The following LRRTM4 variants were observed in gnomAD, a reference collection of about 807,000 sequenced individuals.
The protein encoded by LRRTM4 is leucine-rich repeat transmembrane neuronal protein 4.
Under a neutral mutation model 47.6 loss-of-function variants are expected in LRRTM4, and 25 were observed. The observed-to-expected ratio is 0.53, with a 90% confidence interval of 0.38 to 0.73. LRRTM4 has a LOEUF of 0.73. Ranked by LOEUF, LRRTM4 falls within the 30% of genes least tolerant of loss-of-function variation. The pLI, the probability that LRRTM4 is intolerant of heterozygous loss-of-function variation, is 0.00. For missense variants in LRRTM4, 638 were observed against 713.4 expected (o/e 0.89, Z 1.20); for synonymous variants, 311 against 269.5 (o/e 1.15, Z -1.51).
chr2:76,863,885 T>C (rs1015037018), intron 3 of LRRTM4, among the ~76,000 whole-genome samples: 8 of 152,140 alleles, frequency 5.3e-5, no homozygotes, highest in Non-Finnish European at 1.0e-4. Context: ...CTGCATGAGA[T>C]TCAAAAAGCT....
At chr2:77,462,461 G>A (rs1432074070) in intron 3 of LRRTM4, among the ~76,000 whole-genome samples, 1 of 152,016 alleles carries the variant, frequency 6.6e-6, no homozygotes, top group South Asian at 2.1e-4. Context: ...TTGGAGACCA[G>A]CATTCTCTTC....
chr2:77,342,588 G>T (rs138639326), intron 3 of LRRTM4, among the ~76,000 whole-genome samples: 1 of 151,814 alleles, frequency 6.6e-6, no homozygotes, highest in East Asian at 1.9e-4. Context: ...TGGGAAAATA[G>T]AAATAAAATT....
chr2:77,234,576 T>C (rs1675053737), intron 3 of LRRTM4, among the ~76,000 whole-genome samples: 2 of 152,222 alleles, frequency 1.3e-5, no homozygotes, highest in South Asian at 4.1e-4. Context: ...TTTATATAAT[T>C]GCTCAGATTT....
intron 3 of LRRTM4, among the ~76,000 whole-genome samples, chr2:77,299,235 CTCTCTCTTTATCTATATAT>C (rs1213654083): frequency 1.4e-5 from 2 of 142,854 alleles, no homozygotes; most frequent in African/African-American, 5.1e-5. Context: ...TACAATCTCT[CTCTCTCTTTATCTATATAT>C]ATATACACAC....
At chr2:77,401,504 A>C (rs1168009319) in intron 3 of LRRTM4, among the ~76,000 whole-genome samples, 1 of 151,892 alleles carries the variant, frequency 6.6e-6, no homozygotes. Flanking sequence ...TATCCTCTCT[A>C]GAATATAAGC....
At chr2:76,959,360 CAT>C (rs1404854677) in intron 3 of LRRTM4, among the ~76,000 whole-genome samples, 5 of 151,220 alleles carry the variant, frequency 3.3e-5, no homozygotes. Flanking sequence ...GTCACATAAA[CAT>C]AGAAAAATAT....
chr2:76,839,279 T>TG (rs1228444538), intron 3 of LRRTM4, among the ~76,000 whole-genome samples: 1 of 152,098 alleles, frequency 6.6e-6, no homozygotes, highest in South Asian at 2.1e-4. Context: ...AGGGAAGCTC[T>TG]GAAAGCACCA....
intron 3 of LRRTM4, among the ~76,000 whole-genome samples, chr2:76,784,326 A>T (rs888497599): frequency 2.0e-5 from 3 of 152,134 alleles, no homozygotes; most frequent in African/African-American, 7.2e-5. Context: ...CATGCTTAAT[A>T]TCATGAGAAA....
At chr2:76,789,159 T>C (rs1457449178) in intron 3 of LRRTM4, among the ~76,000 whole-genome samples, 3 of 152,178 alleles carry the variant, frequency 2.0e-5, no homozygotes. Flanking sequence ...AAGGGAGCAC[T>C]CTCAAGTGGG....
At chr2:77,040,757 A>T (rs1679001841) in intron 3 of LRRTM4, among the ~76,000 whole-genome samples, 1 of 151,478 alleles carries the variant, frequency 6.6e-6, no homozygotes, top group South Asian at 2.1e-4. Flanking sequence ...GAGAAGAGAA[A>T]CTGCTTTAGT....
At chr2:76,842,960 A>G (rs999747191) in intron 3 of LRRTM4, among the ~76,000 whole-genome samples, 1 of 152,270 alleles carries the variant, frequency 6.6e-6, no homozygotes, top group South Asian at 2.1e-4. Flanking sequence ...TGTCCCTTCT[A>G]TGGGTTCAGA....
At chr2:76,967,368 C>T (rs966327046) in intron 3 of LRRTM4, among the ~76,000 whole-genome samples, 6 of 151,506 alleles carry the variant, frequency 4.0e-5, no homozygotes, top group Non-Finnish European at 7.4e-5. Flanking sequence ...ATATACAGTT[C>T]CACTCACCAA....
intron 3 of LRRTM4, among the ~76,000 whole-genome samples, chr2:76,794,957 A>C (rs116771506): frequency 6.6e-6 from 1 of 152,230 alleles, no homozygotes; most frequent in African/African-American, 2.4e-5. Context: ...TGATAGAAGA[A>C]TATCTTAATC....
intron 3 of LRRTM4, among the ~76,000 whole-genome samples, chr2:77,382,998 G>A (rs2103796149): frequency 6.6e-6 from 1 of 152,026 alleles, no homozygotes; most frequent in African/African-American, 2.4e-5. Context: ...TTTTCCATTT[G>A]GAGTGGTAAA....
intron 3 of LRRTM4, among the ~76,000 whole-genome samples, chr2:77,498,472 G>T (rs945887571): frequency 1.3e-5 from 2 of 151,606 alleles, no homozygotes; most frequent in Non-Finnish European, 2.9e-5. Flanking sequence ...GGATCCCATC[G>T]TTAAACTGAG....
At chr2:76,866,449 G>A (rs1184097171) in intron 3 of LRRTM4, among the ~76,000 whole-genome samples, 4 of 151,928 alleles carry the variant, frequency 2.6e-5, no homozygotes, top group African/African-American at 9.7e-5. Context: ...AGGAGCATTT[G>A]GATCAATACT....
At chr2:77,042,291 A>G (rs1679060205) in intron 3 of LRRTM4, among the ~76,000 whole-genome samples, 1 of 151,734 alleles carries the variant, frequency 6.6e-6, no homozygotes, top group Non-Finnish European at 1.5e-5. Flanking sequence ...AAATAGAAAG[A>G]AAGAAATCAA....
chr2:77,352,150 T>C (rs11126604), intron 3 of LRRTM4, among the ~76,000 whole-genome samples: 12,706 of 152,180 alleles, frequency 0.083, 783 homozygotes, highest in East Asian at 0.17. Flanking sequence ...TTAGCATTCA[T>C]AAGAAGCTGT....
intron 3 of LRRTM4, among the ~76,000 whole-genome samples, chr2:76,809,216 C>A (rs1670654152): frequency 6.6e-6 from 1 of 152,142 alleles, no homozygotes. Context: ...GGTCAGTCTC[C>A]TGTACATACA....
Sources: gnomAD v4.1 joint callset for allele counts (sites outside exome capture counted in the v4.1 genomes callset) on GRCh38, gnomAD v4.1.1 for gene constraint, MANE v1.5 for transcripts, NCBI Gene and HGNC (gene_info 2026-07-23, HGNC 2026-07-21) for gene names.